Variants in PCDH11Y observed in about 807,000 individuals in gnomAD.
PCDH11Y encodes the protein protocadherin-11 Y-linked.
For missense variants in PCDH11Y, 12 were observed against 224.8 expected (o/e 0.05, Z 6.05); for synonymous variants, 9 against 83.6 (o/e 0.11, Z 4.87).
At chrY:5,128,410 A>G (rs2052828439) in intron 2 of PCDH11Y, among the ~76,000 whole-genome samples, 1 of 32,200 alleles carries the variant, frequency 3.1e-5, no homozygotes. Flanking sequence ...TTTAGAGTAC[A>G]GAAGACTTCA....
At chrY:5,422,973 C>T (rs2124679681) in intron 2 of PCDH11Y, among the ~76,000 whole-genome samples, 15 of 32,738 alleles carry the variant, frequency 4.6e-4, no homozygotes, top group African/African-American at 1.6e-3. Context: ...AGGACACTGT[C>T]GACAGAGTGA....
chrY:5,067,750 T>C lies in PCDH11Y; in HGVS notation c.636+10291T>C, dbSNP rs2052689237. Among the ~76,000 whole-genome samples, 33 of 32,386 alleles carry C rather than the reference T, an allele frequency of 1.0e-3. No individual in the cohort carries two copies. The South Asian group carries it at 0.019, about 19-fold the overall frequency. The allele number at this position is 32,386 out of a possible 37,273, so 86.9% of individuals were successfully genotyped here. A position where few individuals can be genotyped will look rare whatever the true frequency, so the allele number is the denominator to read the frequency against. On this transcript the variant is annotated intron_variant, in intron 1 of 1. Transcript: ENST00000215473. Reference sequence around the variant, plus strand: ...ATTTTAGGCCGGGCGCGGTGGCTCATGCCTGTAATCACAGCACTTTCGGAG... The same window carrying C: ...ATTTTAGGCCGGGCGCGGTGGCTCACGCCTGTAATCACAGCACTTTCGGAG...
chrY:5,123,380 T>C, intron 2 of PCDH11Y, among the ~76,000 whole-genome samples: 1 of 33,348 alleles, frequency 3.0e-5, no homozygotes, highest in Non-Finnish European at 7.4e-5. Context: ...GCAAGTAATG[T>C]TGTCACATCA....
At chrY:5,699,744 C>A in intron 4 of PCDH11Y, among the ~76,000 whole-genome samples, 2 of 33,452 alleles carry the variant, frequency 6.0e-5, no homozygotes, top group Non-Finnish European at 1.5e-4. Context: ...CACTCTCCAA[C>A]CTGCTGCCAC....
intron 2 of PCDH11Y, among the ~76,000 whole-genome samples, chrY:5,428,278 C>T (rs2053265541): frequency 3.0e-5 from 1 of 33,227 alleles, no homozygotes; most frequent in Admixed American, 2.8e-4. Flanking sequence ...AGTAAATGAA[C>T]CTTAGCCTAT....
At chrY:5,258,588 A>T in intron 2 of PCDH11Y, among the ~76,000 whole-genome samples, 1 of 30,898 alleles carries the variant, frequency 3.2e-5, no homozygotes, top group Non-Finnish European at 7.8e-5. Context: ...CATTTTATTT[A>T]ATTTCCCTGT....
At chrY:5,254,376 A>G in intron 2 of PCDH11Y, among the ~76,000 whole-genome samples, 1 of 33,806 alleles carries the variant, frequency 3.0e-5, no homozygotes, top group African/African-American at 1.2e-4. Flanking sequence ...ATTTTTCATA[A>G]TTTAAAACCT....
chrY:5,119,885 C>T, intron 2 of PCDH11Y, among the ~76,000 whole-genome samples: 1 of 32,381 alleles, frequency 3.1e-5, no homozygotes, highest in Non-Finnish European at 7.5e-5. Flanking sequence ...TAACTCCTTA[C>T]GTCCACTTAG....
At chrY:5,114,969 C>T in intron 2 of PCDH11Y, among the ~76,000 whole-genome samples, 2 of 31,700 alleles carry the variant, frequency 6.3e-5, no homozygotes, top group Admixed American at 2.9e-4. Context: ...TGTTACATTG[C>T]TTTTCTTCAT....
At chrY:5,315,501 A>G in intron 2 of PCDH11Y, among the ~76,000 whole-genome samples, 1 of 33,745 alleles carries the variant, frequency 3.0e-5, no homozygotes, top group Admixed American at 2.7e-4. Flanking sequence ...ACAAAACTCT[A>G]TTTTGCCATT....
chrY:5,725,792 A>G (rs2053598336), intron 4 of PCDH11Y, among the ~76,000 whole-genome samples: 1 of 33,551 alleles, frequency 3.0e-5, no homozygotes, highest in South Asian at 6.5e-4. Flanking sequence ...TGTAAATTGT[A>G]TATCTTATAA....
At chrY:5,541,816 T>C in intron 3 of PCDH11Y, among the ~76,000 whole-genome samples, 1 of 29,147 alleles carries the variant, frequency 3.4e-5, no homozygotes, top group Non-Finnish European at 8.2e-5. Context: ...GTGATCATGC[T>C]AGTATGGTTG....
intron 2 of PCDH11Y, among the ~76,000 whole-genome samples, chrY:5,149,061 T>G: frequency 3.1e-5 from 1 of 32,606 alleles, no homozygotes; most frequent in Non-Finnish European, 7.6e-5. Flanking sequence ...AAGTCATTAT[T>G]TGAGGTCCCT....
chrY:5,709,685 G>A (rs1602962893), intron 4 of PCDH11Y, among the ~76,000 whole-genome samples: 2 of 32,970 alleles, frequency 6.1e-5, no homozygotes, highest in Admixed American at 2.8e-4. Context: ...CCTGTCACAG[G>A]GACTGGCCCT....
chrY:5,487,979 C>T, intron 2 of PCDH11Y, among the ~76,000 whole-genome samples: 1 of 33,486 alleles, frequency 3.0e-5, no homozygotes, highest in African/African-American at 1.2e-4. Flanking sequence ...TTTAGAGGAG[C>T]ATGAAAACTA....
intron 2 of PCDH11Y, among the ~76,000 whole-genome samples, chrY:5,161,217 C>T: frequency 3.0e-5 from 1 of 32,994 alleles, no homozygotes; most frequent in African/African-American, 1.2e-4. Context: ...CTGTCTTTAG[C>T]GACTGTGTAG....
At chrY:5,199,351 G>A (rs2052924541) in intron 2 of PCDH11Y, among the ~76,000 whole-genome samples, 1 of 30,103 alleles carries the variant, frequency 3.3e-5, no homozygotes, top group South Asian at 8.0e-4. Flanking sequence ...GCAATGGCCC[G>A]ATCTCGGCTC....
At chrY:5,057,231 G>A (rs2052664465) in exon 1 of PCDH11Y, 1 of 395,069 alleles carries the variant, frequency 2.5e-6, no homozygotes, top group Non-Finnish European at 3.5e-6. Context: ...CAAGGGATGA[G>A]CATTGCTTTT....
At chrY:5,612,221 T>C in intron 4 of PCDH11Y, among the ~76,000 whole-genome samples, 1 of 33,415 alleles carries the variant, frequency 3.0e-5, no homozygotes, top group Admixed American at 2.7e-4. Context: ...CGTTATTTAA[T>C]GTTGAATATT....
Sources: allele counts gnomAD v4.1 joint callset (sites outside exome capture counted in the v4.1 genomes callset), GRCh38; gene constraint gnomAD v4.1.1; transcripts MANE v1.5; gene names NCBI Gene and HGNC (gene_info 2026-07-23, HGNC 2026-07-21).